RASAL2: variants seen among roughly 807,000 people sequenced by gnomAD.
The protein encoded by RASAL2 is RAS protein activator like 2, also known as ras GTPase-activating protein nGAP.
RASAL2 carries 58 observed loss-of-function variants against 128.9 expected under a neutral mutation model. The ratio of observed to expected loss-of-function variants is 0.45; its 90% CI spans 0.36 to 0.56. The LOEUF (loss-of-function observed/expected upper bound fraction) is 0.56. RASAL2 is among the 20% of genes least tolerant of loss of function. The probability of loss-of-function intolerance (pLI) is 0.00; values close to 1 mark genes in which losing one functional copy is unlikely to be tolerated. For synonymous variants in RASAL2, 561 were observed against 580.8 expected, an observed-to-expected ratio of 0.97 and a Z score of 0.49; for missense variants, 1,360 against 1,601.6, an observed-to-expected ratio of 0.85 and a Z score of 2.57.
chr1:178,386,140 C>T (rs2102586578), intron 3 of RASAL2, among the ~76,000 whole-genome samples: 1 of 152,302 alleles, frequency 6.6e-6, no homozygotes, highest in African/African-American at 2.4e-5. Context: ...GGAACATCCT[C>T]CACCAAAAGT....
At chr1:178,247,294 G>A (rs1348183834) in intron 1 of RASAL2, among the ~76,000 whole-genome samples, 2 of 152,028 alleles carry the variant, frequency 1.3e-5, no homozygotes, top group Non-Finnish European at 2.9e-5. Context: ...TTTAGTCTTG[G>A]CAGGGTGTGT....
intron 1 of RASAL2, among the ~76,000 whole-genome samples, chr1:178,118,944 T>C (rs1019717616): frequency 3.3e-5 from 5 of 152,136 alleles, no homozygotes; most frequent in African/African-American, 1.2e-4. Flanking sequence ...CTTGGCTCAC[T>C]GCAACCTCTG....
intron 4 of RASAL2, among the ~76,000 whole-genome samples, chr1:178,397,888 T>C (rs182808337): frequency 6.6e-6 from 1 of 152,062 alleles, no homozygotes; most frequent in Admixed American, 6.6e-5. Flanking sequence ...AGTGCTGGGA[T>C]TACAGGCATG....
chr1:178,153,075 T>G (rs956647238), intron 1 of RASAL2, among the ~76,000 whole-genome samples: 12 of 152,194 alleles, frequency 7.9e-5, no homozygotes, highest in African/African-American at 2.9e-4. Flanking sequence ...TTTCTAGATC[T>G]CTCTTAATTT....
intron 3 of RASAL2, among the ~76,000 whole-genome samples, chr1:178,308,335 GA>G (rs1241740024): frequency 6.6e-6 from 1 of 151,920 alleles, no homozygotes; most frequent in African/African-American, 2.4e-5. Context: ...AATTAAGTTG[GA>G]AAACTCTGAG....
intron 1 of RASAL2, among the ~76,000 whole-genome samples, chr1:178,168,763 A>G (rs1256876317): frequency 1.3e-5 from 2 of 152,080 alleles, no homozygotes; most frequent in Non-Finnish European, 2.9e-5. Context: ...TGTGAGTCAC[A>G]CAGCATGAAC....
chr1:178,322,602 T>G (rs1668845902), intron 3 of RASAL2, among the ~76,000 whole-genome samples: 2 of 152,256 alleles, frequency 1.3e-5, no homozygotes, highest in Non-Finnish European at 2.9e-5. Context: ...TTCTAGTCAT[T>G]CTAACTTTAC....
intron 4 of RASAL2, among the ~76,000 whole-genome samples, chr1:178,408,981 T>C (rs1157898736): frequency 6.6e-6 from 1 of 152,110 alleles, no homozygotes; most frequent in African/African-American, 2.4e-5. Context: ...GAGAGAGGTT[T>C]GACTCACAGT....
At chr1:178,145,684 G>A (rs1307507785) in intron 1 of RASAL2, among the ~76,000 whole-genome samples, 1 of 152,148 alleles carries the variant, frequency 6.6e-6, no homozygotes, top group Admixed American at 6.5e-5. Context: ...GGAACGGGTA[G>A]TCATTAAGGA....
At chr1:178,186,866 C>T (rs1662320564) in intron 1 of RASAL2, among the ~76,000 whole-genome samples, 1 of 151,770 alleles carries the variant, frequency 6.6e-6, no homozygotes, top group Admixed American at 6.6e-5. Flanking sequence ...CTGTGTTGCC[C>T]ATGCTAGATG....
intron 7 of RASAL2, 43 bp from the exon 8 acceptor site, chr1:178,442,632 T>G: frequency 1.3e-6 from 2 of 1,515,828 alleles, no homozygotes; most frequent in Non-Finnish European, 8.9e-7. Flanking sequence ...TTTTTTTTTC[T>G]GCAATGTCAG....
intron 1 of RASAL2, among the ~76,000 whole-genome samples, chr1:178,244,389 C>T (rs1439848326): frequency 4.6e-5 from 7 of 152,016 alleles, no homozygotes; most frequent in South Asian, 2.1e-4. Context: ...ACTACAGGCG[C>T]GTGCCACCAC....
At chr1:178,289,459 A>G (rs1240123779) in intron 2 of RASAL2, among the ~76,000 whole-genome samples, 1 of 151,904 alleles carries the variant, frequency 6.6e-6, no homozygotes, top group Non-Finnish European at 1.5e-5. Flanking sequence ...TCCTTATTTT[A>G]TATCTTAAAA....
chr1:178,212,573 C>T (rs967375747), intron 1 of RASAL2, among the ~76,000 whole-genome samples: 4 of 152,188 alleles, frequency 2.6e-5, no homozygotes, highest in East Asian at 1.9e-4. Flanking sequence ...CTCACTGCAA[C>T]GTCCGCCTCC....
chr1:178,232,524 G>A (rs948201084), intron 1 of RASAL2, among the ~76,000 whole-genome samples: 10 of 152,048 alleles, frequency 6.6e-5, no homozygotes, highest in African/African-American at 2.2e-4. Context: ...GTAGTTTATA[G>A]CAAATACCCT....
chr1:178,256,655 T>A (rs763599056), intron 1 of RASAL2, among the ~76,000 whole-genome samples: 18 of 152,168 alleles, frequency 1.2e-4, no homozygotes, highest in Non-Finnish European at 1.9e-4. Flanking sequence ...GGATACAAAA[T>A]CAATGTATAG....
rs758893617 is a variant in RASAL2, at chr1:178,420,490, A to G, written c.565-21A>G. 20 of 1,540,090 alleles carry G rather than the reference A, an allele frequency of 1.3e-5. No homozygotes were observed. The Admixed American group carries it at 2.6e-4, about 20-fold the overall frequency. ...TTCCCTTTTGGTTCTCTCTCCCATC[A>G]CCTTCTGCCTTTCCTTCTAGGGATT... On this transcript the variant is annotated intron_variant, in intron 4 of 17. Transcript: ENST00000367649.
intron 1 of RASAL2, among the ~76,000 whole-genome samples, chr1:178,190,034 A>T (rs1662436383): frequency 6.8e-6 from 1 of 147,170 alleles, no homozygotes; most frequent in Non-Finnish European, 1.5e-5. Flanking sequence ...GGTGGATGCC[A>T]GGGATGCTGC....
chr1:178,146,593 T>G (rs1257248915), intron 1 of RASAL2, among the ~76,000 whole-genome samples: 1 of 152,202 alleles, frequency 6.6e-6, no homozygotes, highest in Non-Finnish European at 1.5e-5. Flanking sequence ...ATTCTATTAT[T>G]CTTAGGTGAT....
Sources: gnomAD v4.1 joint callset for allele counts (sites outside exome capture counted in the v4.1 genomes callset) on GRCh38, gnomAD v4.1.1 for gene constraint, MANE v1.5 for transcripts, NCBI Gene and HGNC (gene_info 2026-07-23, HGNC 2026-07-21) for gene names.